Variants in HECW1 observed in about 807,000 individuals in gnomAD.
HECW1 encodes the protein E3 ubiquitin-protein ligase HECW1.
HECW1 carries 61 observed loss-of-function variants against 182.3 expected under a neutral mutation model. The observed-to-expected ratio is 0.33, with a 90% CI of 0.27 to 0.41. The LOEUF is 0.41. HECW1 is among the 10% of genes least tolerant of loss of function. The probability of loss-of-function intolerance (pLI) is 1.00; values close to 1 mark genes in which losing one functional copy is unlikely to be tolerated. For missense variants in HECW1, 1,739 were observed against 2,108.9 expected (o/e 0.82, Z 3.44); for synonymous variants, 859 against 832.6 (o/e 1.03, Z -0.55).
At chr7:43,455,005 C>A (rs915862160) in intron 12 of HECW1, among the ~76,000 whole-genome samples, 2 of 152,222 alleles carry the variant, frequency 1.3e-5, no homozygotes, top group Non-Finnish European at 2.9e-5. Flanking sequence ...GCAGGCATTG[C>A]TCTTCTATGT....
At chr7:43,505,477 G>A (rs1270467587) in intron 21 of HECW1, among the ~76,000 whole-genome samples, 2 of 152,102 alleles carry the variant, frequency 1.3e-5, no homozygotes, top group Non-Finnish European at 2.9e-5. Flanking sequence ...ACTATGCAAG[G>A]GCTTCCTACT....
At chr7:43,254,629 C>T (rs377504483) in intron 3 of HECW1, among the ~76,000 whole-genome samples, 21 of 152,202 alleles carry the variant, frequency 1.4e-4, no homozygotes, top group African/African-American at 5.1e-4. Flanking sequence ...TTGCCTCCCC[C>T]ACCATTGTCA....
chr7:43,363,050 TGTC>T (rs1443516015), intron 6 of HECW1, among the ~76,000 whole-genome samples: 1 of 152,252 alleles, frequency 6.6e-6, no homozygotes, highest in East Asian at 1.9e-4. Flanking sequence ...CTAGAGCATT[TGTC>T]GTCTCTGAAC....
intron 10 of HECW1, 25 bp downstream of exon 10, chr7:43,442,654 C>T: frequency 6.8e-7 from 1 of 1,477,268 alleles, no homozygotes; most frequent in Middle Eastern, 1.7e-4. Flanking sequence ...AACTTCATGT[C>T]TTGTCCTAGG....
intron 18 of HECW1, 47 bp downstream of exon 18, chr7:43,492,227 C>A (rs987689993): frequency 7.7e-7 from 1 of 1,304,624 alleles, no homozygotes; most frequent in South Asian, 1.3e-5. Context: ...AATAGCAACA[C>A]CTAGACTTGA....
At chr7:43,314,323 G>A (rs528335909) in intron 4 of HECW1, among the ~76,000 whole-genome samples, 1 of 152,312 alleles carries the variant, frequency 6.6e-6, no homozygotes, top group East Asian at 1.9e-4. Context: ...CCAGGGATCC[G>A]AGCTAGGGTT....
rs568085336 is a variant in HECW1, at chr7:43,190,962, T to C, written c.-31-52913T>C. ...TGAAAGACAAGAATATTTTCCCCCT[T>C]CCATAAGCTGTGTAGGGAAGGACCT... is the stretch of plus-strand genomic sequence containing the variant. On this transcript the variant is annotated intron_variant, in intron 2 of 29. Transcript: ENST00000395891. Among the ~76,000 whole-genome samples, 22 of 152,244 alleles carry C rather than the reference T, an allele frequency of 1.4e-4. 1 individual carries two copies. The South Asian group carries it at 4.4e-3, about 30-fold the overall frequency.
At chr7:43,424,871 A>T (rs1054229884) in intron 8 of HECW1, among the ~76,000 whole-genome samples, 1 of 152,144 alleles carries the variant, frequency 6.6e-6, no homozygotes, top group Non-Finnish European at 1.5e-5. Context: ...TAAGCCCAGA[A>T]TGGGAGCAGA....
chr7:43,127,963 C>A (rs1038558888), intron 2 of HECW1, among the ~76,000 whole-genome samples: 1 of 151,980 alleles, frequency 6.6e-6, no homozygotes, highest in Non-Finnish European at 1.5e-5. Context: ...ACTGCAACCT[C>A]GGCTTCCTGG....
intron 5 of HECW1, among the ~76,000 whole-genome samples, chr7:43,328,395 G>C (rs183119719): frequency 6.6e-6 from 1 of 152,232 alleles, no homozygotes; most frequent in Non-Finnish European, 1.5e-5. Context: ...AGCAATCCCA[G>C]TCAAGGCCTG....
intron 3 of HECW1, among the ~76,000 whole-genome samples, chr7:43,286,413 C>G (rs571991463): frequency 5.8e-4 from 89 of 152,214 alleles, no homozygotes; most frequent in African/African-American, 2.1e-3. Flanking sequence ...TGTAGTGCAA[C>G]CAGGATCGCT....
intron 24 of HECW1, among the ~76,000 whole-genome samples, chr7:43,524,767 A>G (rs533400949): frequency 1.3e-5 from 2 of 152,338 alleles, no homozygotes; most frequent in African/African-American, 4.8e-5. Context: ...GTTTGGGGCT[A>G]TTGTTTCACC....
intron 13 of HECW1, among the ~76,000 whole-genome samples, chr7:43,460,603 A>G (rs1047081512): frequency 6.6e-6 from 1 of 151,992 alleles, no homozygotes; most frequent in Non-Finnish European, 1.5e-5. Flanking sequence ...ATTTCAGCTG[A>G]CTTTCTAGCT....
At chr7:43,208,763 G>A (rs1435008043) in intron 2 of HECW1, among the ~76,000 whole-genome samples, 1 of 152,180 alleles carries the variant, frequency 6.6e-6, no homozygotes, top group African/African-American at 2.4e-5. Flanking sequence ...TCCCAGGGCT[G>A]GTGGTCAGTG....
At chr7:43,209,268 G>A (rs1469202249) in intron 2 of HECW1, among the ~76,000 whole-genome samples, 3 of 152,116 alleles carry the variant, frequency 2.0e-5, no homozygotes, top group Non-Finnish European at 4.4e-5. Context: ...GCCCCCTGAA[G>A]ACCCATGCTC....
chr7:43,274,477 C>T, intron 3 of HECW1: 6 of 621,950 alleles, frequency 9.6e-6, no homozygotes, highest in East Asian at 9.4e-5. Context: ...GGGCCGGCAC[C>T]GCACCCAGGC....
intron 5 of HECW1, among the ~76,000 whole-genome samples, chr7:43,341,845 A>G (rs888746886): frequency 2.0e-5 from 3 of 151,864 alleles, no homozygotes; most frequent in Non-Finnish European, 2.9e-5. Flanking sequence ...GTAATACAAT[A>G]AGATTTTTTC....
At chr7:43,379,618 G>C (rs891538331) in intron 6 of HECW1, among the ~76,000 whole-genome samples, 6 of 151,888 alleles carry the variant, frequency 4.0e-5, no homozygotes, top group Admixed American at 3.9e-4. Flanking sequence ...TTCCAGCCTC[G>C]AGAGTCCTCT....
At chr7:43,499,652 A>T (rs1052486695) in intron 19 of HECW1, among the ~76,000 whole-genome samples, 4 of 150,802 alleles carry the variant, frequency 2.7e-5, no homozygotes, top group African/African-American at 4.9e-5. Context: ...GTTAAAGATT[A>T]AAAAAAAACA....
Sources: allele counts gnomAD v4.1 joint callset (sites outside exome capture counted in the v4.1 genomes callset), GRCh38; gene constraint gnomAD v4.1.1; transcripts MANE v1.5; gene names NCBI Gene and HGNC (gene_info 2026-07-23, HGNC 2026-07-21).